Variants in TBC1D22B observed in about 807,000 individuals in gnomAD.
The protein encoded by TBC1D22B is TBC1 domain family member 22B, also known as chromosome 6 open reading frame 197.
In TBC1D22B, 32 loss-of-function variants were observed where a neutral mutation model predicts 69.1. The ratio of observed to expected loss-of-function variants is 0.46; its 90% CI spans 0.35 to 0.62. The LOEUF (loss-of-function observed/expected upper bound fraction) is 0.62, where lower values mean the gene tolerates loss of function less well. TBC1D22B is among the 20% of genes least tolerant of loss of function. The probability of loss-of-function intolerance (pLI) is 0.00; values close to 1 mark genes in which losing one functional copy is unlikely to be tolerated. For missense variants in TBC1D22B, 462 were observed against 630.9 expected, an observed-to-expected ratio of 0.73 and a Z score of 2.87; for synonymous variants, 206 against 229.8, an observed-to-expected ratio of 0.90 and a Z score of 0.94.
At chr6:37,297,875 A>G (rs1182019559) in intron 8 of TBC1D22B, among the ~76,000 whole-genome samples, 1 of 152,242 alleles carries the variant, frequency 6.6e-6, no homozygotes, top group African/African-American at 2.4e-5. Flanking sequence ...ATAAAAAAGA[A>G]TGAGTTCATG....
Position 37,325,623 on chromosome 6 carries a change from C to T in TBC1D22B, c.1390-5421C>T, listed in dbSNP as rs568763674. On this transcript the variant is annotated intron_variant, in intron 12 of 12. Coordinates refer to ENST00000373491, the MANE Select transcript of TBC1D22B (RefSeq NM_017772.4). The stretch of plus-strand genomic sequence containing the variant: ...GGAGTGCAGTGGCACAATCTTGGCT[C>T]ACTGCCACCTCTGCCTCCCGGGTTC... 1.9e-3 allele frequency among the ~76,000 whole-genome samples: 282 copies of T among 150,012 alleles called. 1 individual carries two copies. Among genetic ancestry groups the T allele is most frequent in the Middle Eastern group, 6.9e-3 (2 of 288 alleles).
intron 6 of TBC1D22B, among the ~76,000 whole-genome samples, chr6:37,286,409 G>A (rs1239513750): frequency 4.0e-5 from 6 of 150,958 alleles, no homozygotes; most frequent in Admixed American, 6.6e-5. Flanking sequence ...TCCACCTCCC[G>A]GGTTCACACC....
chr6:37,295,515 C>A, intron 8 of TBC1D22B: 1 of 322,702 alleles, frequency 3.1e-6, no homozygotes. Context: ...CTAAGATTTC[C>A]AATAATTACT....
rs758861724 is a variant in TBC1D22B at position 37,331,089 on chromosome 6, A to G, written c.1435A>G (p.Asn479Asp). 3.1e-6 allele frequency: 5 copies of G among 1,614,178 alleles called. No individual in the cohort carries two copies. Among genetic ancestry groups the G allele is most frequent in the Non-Finnish European group, 4.2e-6 (5 of 1,180,024 alleles). The change falls in exon 13 of 13, where the codon AAC becomes GAC. Residue 479 changes from asparagine (N) to aspartate (D), a missense_variant. By Grantham distance (23) the Asn-to-Asp change is conservative (BLOSUM62 1). Around this residue, in one of 2 missense-constraint regions of TBC1D22B, gnomAD observed 225 missense variants for 375.4 expected, o/e 0.60. Transcript: ENST00000373491. ...GAACCTACCTACAATACACTGGGGCAACGAAGAAATTGGGCTGCTTCTCGC... is the reference window on the plus strand; with the variant it reads ...GAACCTACCTACAATACACTGGGGCGACGAAGAAATTGGGCTGCTTCTCGC... Reference protein sequence around the residue: ...LQNLPTIHWGNEEIGLLLAEA... With the variant: ...LQNLPTIHWGDEEIGLLLAEA...
rs1032282745 is a variant in TBC1D22B at position 37,257,824 on chromosome 6, A to G, written c.-94A>G. ...GGGAGCGGGTGACCGGCGGCGGGGA[A>G]GCGGCCTGGGTTGGCCCTCAGATTG... On this transcript the variant is annotated 5_prime_UTR_variant, in exon 1 of 13. Transcript: ENST00000373491. The G allele has an allele frequency of 1.4e-6, 2 of 1,410,168 alleles. No homozygotes were observed. Among genetic ancestry groups the G allele is most frequent in the Non-Finnish European group, 9.7e-7 (1 of 1,034,938 alleles). 87.4% of individuals were successfully genotyped at this position (1,410,168 alleles called of 1,614,324 possible).
At chr6:37,304,958 G>A (rs569820631) in intron 8 of TBC1D22B, among the ~76,000 whole-genome samples, 5 of 152,218 alleles carry the variant, frequency 3.3e-5, no homozygotes, top group African/African-American at 7.2e-5. Context: ...GTTTTAAACC[G>A]GGTGGTGAGC....
At chr6:37,316,251 C>T (rs1288892065) in intron 10 of TBC1D22B, among the ~76,000 whole-genome samples, 2 of 152,150 alleles carry the variant, frequency 1.3e-5, no homozygotes, top group Admixed American at 6.5e-5. Context: ...TTTGTGAGCC[C>T]CTTTCGCTGG....
At chr6:37,273,200 A>C (rs868363596) in intron 2 of TBC1D22B, among the ~76,000 whole-genome samples, 30 of 151,964 alleles carry the variant, frequency 2.0e-4, no homozygotes, top group African/African-American at 5.6e-4. Flanking sequence ...AAAAAAAAAA[A>C]AAAAACGAGA....
At chr6:37,270,549 A>G (rs1398767548) in intron 2 of TBC1D22B, among the ~76,000 whole-genome samples, 5 of 152,212 alleles carry the variant, frequency 3.3e-5, no homozygotes, top group African/African-American at 4.8e-5. Context: ...CAGAGACTCT[A>G]GTTAAATCCA....
intron 8 of TBC1D22B, among the ~76,000 whole-genome samples, chr6:37,305,307 A>G (rs1001213291): frequency 1.3e-5 from 2 of 152,176 alleles, no homozygotes; most frequent in African/African-American, 4.8e-5. Flanking sequence ...ACTTCATATT[A>G]AATCATACAT....
chr6:37,291,711 C>T (rs148821593), intron 8 of TBC1D22B, among the ~76,000 whole-genome samples: 2 of 152,308 alleles, frequency 1.3e-5, no homozygotes, highest in African/African-American at 4.8e-5. Context: ...CAAGCCTGCA[C>T]ACTCCAGTTC....
At chr6:37,277,955 C>T (rs1766716507) in intron 2 of TBC1D22B, among the ~76,000 whole-genome samples, 1 of 150,750 alleles carries the variant, frequency 6.6e-6, no homozygotes. Flanking sequence ...ATAATGAGAC[C>T]CTTATCTCTC....
chr6:37,329,858 G>A (rs1455492731), intron 12 of TBC1D22B, among the ~76,000 whole-genome samples: 1 of 152,182 alleles, frequency 6.6e-6, no homozygotes, highest in Non-Finnish European at 1.5e-5. Flanking sequence ...TATCATTTTT[G>A]TTCACATCCA....
At chr6:37,297,676 A>G (rs1020326495) in intron 8 of TBC1D22B, among the ~76,000 whole-genome samples, 1 of 152,188 alleles carries the variant, frequency 6.6e-6, no homozygotes, top group African/African-American at 2.4e-5. Context: ...ATCTTTCTAA[A>G]AAAAATTGTA....
Position 37,279,351 on chromosome 6 carries a change from A to G in TBC1D22B, c.161A>G (p.Lys54Arg), listed in dbSNP as rs769122440. Residue 54 changes from lysine to arginine, a missense_variant, in exon 3 of 13, where the codon AAG becomes AGG. Lys to Arg is a conservative substitution (Grantham distance 26, BLOSUM62 2). Around this residue, in one of 2 missense-constraint regions of TBC1D22B, gnomAD observed 237 missense variants for 255.4 expected, o/e 0.93. Coordinates refer to ENST00000373491, the MANE Select transcript of TBC1D22B (RefSeq NM_017772.4). ...SKVNTVPLKN[K>R]KASSFHEFAR... ...GTCAACACAGTTCCTCTGAAGAATA[A>G]GAAGGCCTCCAGTTTTCATGAGTTT... The G allele has an allele frequency of 2.9e-5, 47 of 1,613,296 alleles. No individual in the cohort carries two copies. The highest frequency in any genetic ancestry group is 3.3e-4 in the Middle Eastern group (2 of 6,078).
intron 9 of TBC1D22B, 72 bp downstream of exon 9, chr6:37,313,096 C>T (rs922199952): frequency 8.1e-7 from 1 of 1,229,780 alleles, no homozygotes; most frequent in African/African-American, 1.5e-5. Context: ...TGGTTTCTTT[C>T]TTGCTCTTCT....
intron 8 of TBC1D22B, among the ~76,000 whole-genome samples, chr6:37,299,463 C>T (rs1198798045): frequency 2.6e-5 from 4 of 152,190 alleles, no homozygotes; most frequent in Non-Finnish European, 5.9e-5. Flanking sequence ...ACTTGTGTCT[C>T]TTTATGTAGA....
chr6:37,260,024 A>T lies in TBC1D22B; in HGVS notation c.56+2051A>T, dbSNP rs569097277. Among the ~76,000 whole-genome samples, 8 of 152,342 alleles carry T rather than the reference A, an allele frequency of 5.3e-5. No homozygotes were observed. The South Asian group carries it at 1.7e-3, about 32-fold the overall frequency. On this transcript the variant is annotated intron_variant, in intron 1 of 12. Transcript: ENST00000373491. ...TCTTCGTTGTTTAAGGTATTCAAAT[A>T]TTGTCACAATTCATAATAGTTTTTA...
intron 8 of TBC1D22B, among the ~76,000 whole-genome samples, chr6:37,298,539 G>GTTTTGTTTTTTTTTTT (rs1346408261): frequency 1.5e-4 from 11 of 71,218 alleles, no homozygotes; most frequent in African/African-American, 6.8e-4. Flanking sequence ...GTTGCCTACA[G>GTTTTGTTTTTTTTTTT]TTTTTTTTTT....
Sources: allele counts gnomAD v4.1 joint callset (sites outside exome capture counted in the v4.1 genomes callset), GRCh38; gene constraint gnomAD v4.1.1; regional missense constraint gnomAD v4.1.1; transcripts MANE v1.5; gene names NCBI Gene and HGNC (gene_info 2026-07-23, HGNC 2026-07-21).